PELI1: variants seen among roughly 807,000 people sequenced by gnomAD.
The protein encoded by PELI1 is pellino E3 ubiquitin protein ligase 1, also known as E3 ubiquitin-protein ligase pellino homolog 1.
A neutral mutation model predicts 41.3 loss-of-function variants in PELI1; 15 were observed. That is an observed-to-expected ratio of 0.36 (90% CI 0.24 to 0.56). PELI1 has a LOEUF of 0.56. PELI1 is among the 20% of genes least tolerant of loss of function. PELI1 has a pLI of 0.82. For synonymous variants in PELI1, 178 were observed against 180.1 expected, an observed-to-expected ratio of 0.99 and a Z score of 0.09; for missense variants, 403 against 525.5, an observed-to-expected ratio of 0.77 and a Z score of 2.28.
chr2:64,110,072 C>T (rs942464424), intron 1 of PELI1, among the ~76,000 whole-genome samples: 2 of 151,890 alleles, frequency 1.3e-5, no homozygotes, highest in Non-Finnish European at 2.9e-5. Context: ...TGGTGAAACC[C>T]CGTCTCTACT....
intron 3 of PELI1, among the ~76,000 whole-genome samples, chr2:64,101,674 T>G (rs1680437873): frequency 1.3e-5 from 2 of 152,164 alleles, no homozygotes; most frequent in South Asian, 4.1e-4. Context: ...AACTAATCTG[T>G]AATAGATAAA....
At chr2:64,101,824 A>ATTT (rs34370706) in intron 3 of PELI1, among the ~76,000 whole-genome samples, 17 of 121,084 alleles carry the variant, frequency 1.4e-4, no homozygotes, top group South Asian at 2.7e-4. Context: ...TTTGCTTCTG[A>ATTT]TTTTTTTTTT....
intron 2 of PELI1, 72 bp downstream of exon 2, chr2:64,108,168 T>G: frequency 1.2e-6 from 1 of 802,798 alleles, no homozygotes; most frequent in Admixed American, 2.3e-5. Context: ...AAAAAAAAAG[T>G]ACTTTTAGCC....
chr2:64,127,721 A>G (rs1026367695), intron 1 of PELI1, among the ~76,000 whole-genome samples: 2 of 152,090 alleles, frequency 1.3e-5, no homozygotes, highest in South Asian at 4.2e-4. Flanking sequence ...ATTCTTTTCT[A>G]TGTTGTCAAA....
At position 64,096,624 on chromosome 2, in the gene PELI1, A is replaced by G. The variant is rs527770716; in HGVS notation, c.304-14T>C. On this transcript the variant is annotated splice_polypyrimidine_tract_variant and intron_variant, in intron 4 of 6. Coordinates refer to ENST00000358912, the MANE Select transcript of PELI1 (RefSeq NM_020651.4). Reference sequence around the variant, plus strand: ...CGACCGGCCAATCTGAGGGAAAAAAAAAAATACCTATAAACCCATTCAAAG... The same window carrying G: ...CGACCGGCCAATCTGAGGGAAAAAAGAAAATACCTATAAACCCATTCAAAG... The G allele has an allele frequency of 4.4e-6, 7 of 1,579,528 alleles. No individual in the cohort carries two copies. In the Admixed American group the frequency reaches 8.5e-5, roughly 19 times the overall value.
chr2:64,102,729 C>T (rs188120228), intron 3 of PELI1, among the ~76,000 whole-genome samples: 49 of 151,936 alleles, frequency 3.2e-4, no homozygotes, highest in Non-Finnish European at 6.3e-4. Flanking sequence ...TGGCCTAGAA[C>T]GCAGGGTTTT....
chr2:64,141,259 T>C (rs1159550277), intron 1 of PELI1, among the ~76,000 whole-genome samples: 2 of 152,088 alleles, frequency 1.3e-5, no homozygotes, highest in Admixed American at 6.5e-5. Flanking sequence ...TCTGCTTTAC[T>C]GTCCTCAAAG....
At chr2:64,129,498 A>T (rs1476059304) in intron 1 of PELI1, among the ~76,000 whole-genome samples, 2 of 152,302 alleles carry the variant, frequency 1.3e-5, no homozygotes, top group East Asian at 3.9e-4. Flanking sequence ...CTGCAATTAC[A>T]ACCATATTCA....
chr2:64,110,880 C>T (rs141982593), intron 1 of PELI1, among the ~76,000 whole-genome samples: 1,737 of 151,612 alleles, frequency 0.011, 13 homozygotes, highest in Non-Finnish European at 0.013. Context: ...GAACCCAGAT[C>T]GCACCACTGC....
At chr2:64,127,305 C>T (rs906096013) in intron 1 of PELI1, among the ~76,000 whole-genome samples, 5 of 152,126 alleles carry the variant, frequency 3.3e-5, no homozygotes, top group African/African-American at 1.2e-4. Flanking sequence ...TTGGGAGGCC[C>T]AGGCAGGAGG....
chr2:64,137,569 A>ATAAGGG (rs149325112), intron 1 of PELI1, among the ~76,000 whole-genome samples: 1,724 of 152,254 alleles, frequency 0.011, 13 homozygotes, highest in Non-Finnish European at 0.013. Context: ...CTCAGAGGTT[A>ATAAGGG]TATACCCTTA....
chr2:64,105,440 TAC>T (rs141087877), intron 2 of PELI1, among the ~76,000 whole-genome samples: 2 of 151,370 alleles, frequency 1.3e-5, no homozygotes, highest in Admixed American at 6.6e-5. Context: ...CATGTACACA[TAC>T]ACACACACAC....
intron 1 of PELI1, among the ~76,000 whole-genome samples, chr2:64,110,031 T>C (rs13428357): frequency 2.0e-5 from 3 of 151,868 alleles, no homozygotes; most frequent in African/African-American, 7.3e-5. Context: ...GATCACTTGA[T>C]GTCAGGAGTT....
intron 1 of PELI1, among the ~76,000 whole-genome samples, chr2:64,116,117 G>C (rs1430382764): frequency 6.6e-6 from 1 of 152,172 alleles, no homozygotes; most frequent in Non-Finnish European, 1.5e-5. Context: ...AGTGAGTCCA[G>C]ACAGTTTAGG....
intron 1 of PELI1, among the ~76,000 whole-genome samples, chr2:64,142,202 A>C (rs10496107): frequency 0.6 from 91,786 of 152,056 alleles, 28,858 homozygotes; most frequent in East Asian, 0.86. Flanking sequence ...GCAACTTTCC[A>C]TACATATAAC....
intron 1 of PELI1, among the ~76,000 whole-genome samples, chr2:64,129,688 G>GT (rs1481313837): frequency 6.6e-6 from 1 of 152,046 alleles, no homozygotes; most frequent in African/African-American, 2.4e-5. Context: ...AAGTCACACT[G>GT]TATCTTCAAA....
intron 1 of PELI1, among the ~76,000 whole-genome samples, chr2:64,110,292 A>G (rs1576080846): frequency 6.6e-6 from 1 of 151,334 alleles, no homozygotes; most frequent in Admixed American, 6.6e-5. Flanking sequence ...GGAAGCAGAG[A>G]GAGAGAGAGA....
intron 4 of PELI1, among the ~76,000 whole-genome samples, chr2:64,096,871 C>T (rs753133902): frequency 1.3e-5 from 2 of 152,142 alleles, no homozygotes; most frequent in African/African-American, 2.4e-5. Context: ...AATTCAGGAA[C>T]GGCTGAGATT....
chr2:64,137,634 T>C (rs1234835133), intron 1 of PELI1, among the ~76,000 whole-genome samples: 3 of 152,200 alleles, frequency 2.0e-5, no homozygotes, highest in East Asian at 1.9e-4. Context: ...TTTTAGTCTA[T>C]GGGTGGATCT....
Sources: gnomAD v4.1 joint callset for allele counts (sites outside exome capture counted in the v4.1 genomes callset) on GRCh38, gnomAD v4.1.1 for gene constraint, MANE v1.5 for transcripts, NCBI Gene and HGNC (gene_info 2026-07-23, HGNC 2026-07-21) for gene names.